Variants in BIRC6 observed in about 807,000 individuals in gnomAD.
BIRC6 encodes the protein dual E2 ubiquitin-conjugating enzyme/E3 ubiquitin-protein ligase BIRC6.
Under a neutral mutation model 503.3 loss-of-function variants are expected in BIRC6, and 98 were observed. That is an observed-to-expected ratio of 0.19 (90% CI 0.17 to 0.23). The LOEUF is 0.23. Among genes scored for constraint, BIRC6 ranks in the 10% least tolerant of loss-of-function variants. BIRC6 has a pLI of 1.00. For synonymous variants in BIRC6, 2,240 were observed against 2,078.7 expected, an observed-to-expected ratio of 1.08 and a Z score of -2.11; for missense variants, 5,360 against 5,806.0, an observed-to-expected ratio of 0.92 and a Z score of 2.50.
chr2:32,515,371 A>G lies in BIRC6; in HGVS notation c.10950A>G (p.Ser3650=), dbSNP rs2054915392. 6.2e-7 allele frequency: 1 copy of G among 1,613,614 alleles called. No homozygotes were observed. Among genetic ancestry groups the G allele is most frequent in the Non-Finnish European group, 8.5e-7 (1 of 1,179,890 alleles). Reference sequence around the variant, plus strand: ...TCTGCTTTAGCCACATTTCTAGCTCAGAAAGCATTGCCCAGTCAATAGATA... The same window carrying G: ...TCTGCTTTAGCCACATTTCTAGCTCGGAAAGCATTGCCCAGTCAATAGATA... ...ASFCFSHISS[S]ESIAQSIDIS... The change falls in exon 55 of 74, where the codon TCA becomes TCG. Residue 3650 remains serine (S), a synonymous_variant. Transcript: ENST00000421745.
At chr2:32,466,055 A>C (rs1191887089) in intron 26 of BIRC6, among the ~76,000 whole-genome samples, 1 of 152,188 alleles carries the variant, frequency 6.6e-6, no homozygotes, top group African/African-American at 2.4e-5. Flanking sequence ...ACTGTAGTAC[A>C]TAAGCCTCCT....
rs184593724 is a variant in BIRC6, at chr2:32,418,407, T to C, written c.2872+2244T>C. 1.6e-4 allele frequency among the ~76,000 whole-genome samples: 24 copies of C among 152,336 alleles called. No homozygotes were observed. The East Asian group carries it at 4.4e-3, about 28-fold the overall frequency. On this transcript the variant is annotated intron_variant, in intron 10 of 73. Transcript: ENST00000421745. The stretch of plus-strand genomic sequence containing the variant: ...AAGGAAAGAAAGGTTAAGTAACTTA[T>C]TAAGTAATAGAGCTAATAAATGTCA...
In BIRC6 at chr2:32,467,701, C is replaced by T; in HGVS notation, c.5533C>T (p.His1845Tyr). 6.2e-7 allele frequency: 1 copy of T among 1,613,802 alleles called. No homozygotes were observed. The highest frequency in any genetic ancestry group is 8.5e-7 in the Non-Finnish European group (1 of 1,179,812). Residue 1845 changes from histidine to tyrosine, a missense_variant, in exon 27 of 74, where the codon CAT (histidine) becomes TAT (tyrosine). Physicochemically the swap from His to Tyr is moderately conservative, Grantham distance 83 (BLOSUM62 2). Around this residue, in one of 16 missense-constraint regions of BIRC6, gnomAD observed 2,299 missense variants for 2,267.2 expected, o/e 1.01. Coordinates refer to ENST00000421745, the MANE Select transcript of BIRC6 (RefSeq NM_016252.4). ...TDISTHSLIL[H>Y]DLIPPPVCRF... ...TATAAGCACTCATTCACTAATTCTTCATGACTTAATACCACCTCCCGTGTG... is the reference window on the plus strand; with the variant it reads ...TATAAGCACTCATTCACTAATTCTTTATGACTTAATACCACCTCCCGTGTG...
At chr2:32,471,232 G>A (rs1204807704) in intron 32 of BIRC6, 108 bp downstream of exon 32, 18 of 1,377,814 alleles carry the variant, frequency 1.3e-5, no homozygotes, top group Non-Finnish European at 1.8e-5. Context: ...TTGGCCTGGA[G>A]CTACCAGCTG....
rs891218369 is a variant in BIRC6, at chr2:32,464,785, C to G, written c.5218C>G (p.Leu1740Val). Residue 1740 changes from leucine to valine, a missense_variant, in exon 25 of 74, where the codon CTT becomes GTT. Around this residue, in one of 16 missense-constraint regions of BIRC6, gnomAD observed 2,299 missense variants for 2,267.2 expected, o/e 1.01. Transcript: ENST00000421745. ...GSVIDPPAVN[L>V]AAHNKNSNKS... ...AGTCATTGATCCCCCAGCAGTCAATCTTGCTGCACATAACAAAAATTCCAA... is the reference window on the plus strand; with the variant it reads ...AGTCATTGATCCCCCAGCAGTCAATGTTGCTGCACATAACAAAAATTCCAA... 28 of 1,612,624 alleles carry G rather than the reference C, an allele frequency of 1.7e-5. No homozygotes were observed. The highest frequency in any genetic ancestry group is 2.3e-5 in the Non-Finnish European group (27 of 1,178,952).
At chr2:32,489,208 A>C (rs1035498076) in intron 42 of BIRC6, among the ~76,000 whole-genome samples, 1 of 152,032 alleles carries the variant, frequency 6.6e-6, no homozygotes, top group Non-Finnish European at 1.5e-5. Flanking sequence ...TAGCTACAGG[A>C]ATCTATTTTA....
In BIRC6 at chr2:32,469,401, C is replaced by G; in HGVS notation, c.6134C>G (p.Ser2045Cys). The G allele has an allele frequency of 1.2e-6, 2 of 1,612,242 alleles. No homozygotes were observed. Among genetic ancestry groups the G allele is most frequent in the Non-Finnish European group, 1.7e-6 (2 of 1,179,174 alleles). ...GTTTTCTTTCTTGTAATAGGACACT[C>G]TGTTCCTGCAGTTTTGCAGAGCACA... is the stretch of plus-strand genomic sequence containing the variant. ...LSLLHASNGHSVPAVLQSTFH... is the reference protein window; with the variant it reads ...LSLLHASNGHCVPAVLQSTFH... The change falls in exon 30 of 74, where the codon TCT becomes TGT. Residue 2045 changes from serine (S) to cysteine (C), a missense_variant. Coordinates refer to ENST00000421745, the MANE Select transcript of BIRC6 (RefSeq NM_016252.4).
At chr2:32,545,622 C>A in intron 62 of BIRC6, 21 bp from the exon 63 acceptor site, 1 of 1,580,664 alleles carries the variant, frequency 6.3e-7, no homozygotes, top group South Asian at 1.1e-5. Context: ...AATCTTGAGT[C>A]CTCTTCTTTC....
rs551895311 is a variant in BIRC6, at chr2:32,479,700, T to G, written c.7408+83T>G. Reference sequence around the variant, plus strand: ...TAAAGAATGTTAGAGAAAAATAAAGTTGATTTTTATATTTTTCTATTAGTT... The same window carrying G: ...TAAAGAATGTTAGAGAAAAATAAAGGTGATTTTTATATTTTTCTATTAGTT... On this transcript the variant is annotated intron_variant, in intron 37 of 73. Coordinates refer to ENST00000421745, the MANE Select transcript of BIRC6 (RefSeq NM_016252.4). The G allele has an allele frequency of 9.6e-6, 12 of 1,251,232 alleles. No homozygotes were observed. In the East Asian group the frequency reaches 2.3e-4, roughly 24 times the overall value. The allele number at this position is 1,251,232 out of a possible 1,614,324, so 77.5% of individuals were successfully genotyped here.
At chr2:32,520,092 G>A (rs902045018) in intron 57 of BIRC6, among the ~76,000 whole-genome samples, 3 of 152,144 alleles carry the variant, frequency 2.0e-5, no homozygotes, top group African/African-American at 7.2e-5. Flanking sequence ...AGTTTTTAAT[G>A]GAAGCTGTGA....
chr2:32,586,425 T>TG (rs1224617377), intron 66 of BIRC6, among the ~76,000 whole-genome samples: 3 of 56,878 alleles, frequency 5.3e-5, no homozygotes, highest in African/African-American at 1.6e-4. Flanking sequence ...AAGCAGTCCT[T>TG]TTTTTTTTTT....
intron 64 of BIRC6, among the ~76,000 whole-genome samples, chr2:32,548,219 C>A (rs1257156818): frequency 1.3e-5 from 2 of 151,654 alleles, no homozygotes; most frequent in Non-Finnish European, 2.9e-5. Flanking sequence ...CAACTAGCTT[C>A]TTCACTGAGA....
At chr2:32,436,312 T>G (rs1311914452) in intron 15 of BIRC6, 128 bp downstream of exon 15, 7 of 819,322 alleles carry the variant, frequency 8.5e-6, no homozygotes, top group Non-Finnish European at 1.2e-5. Context: ...TCATCAGTTT[T>G]CTGGTAGCTG....
At chr2:32,497,311 A>AT (rs1360360026) in intron 45 of BIRC6, among the ~76,000 whole-genome samples, 5 of 151,964 alleles carry the variant, frequency 3.3e-5, no homozygotes, top group East Asian at 1.9e-4. Context: ...ACCAAGTTTG[A>AT]TTTTTTTTGC....
Position 32,479,559 on chromosome 2 carries a change from A to C in BIRC6, c.7350A>C (p.Gln2450His). The C allele has an allele frequency of 2.5e-6, 4 of 1,609,330 alleles. No individual in the cohort carries two copies. Among genetic ancestry groups the C allele is most frequent in the Non-Finnish European group, 3.4e-6 (4 of 1,177,482 alleles). ...CTGGTGACTCTGATGACTCCCTTCA[A>C]CAGTCCTCAGTTCAGTTGCTGGAAA... is the stretch of plus-strand genomic sequence containing the variant. ...ATAGDSDDSL[Q>H]QSSVQLLETI... The change falls in exon 37 of 74, where the codon CAA becomes CAC. Residue 2450 changes from glutamine (Q) to histidine (H), a missense_variant. Transcript: ENST00000421745.
At chr2:32,600,793 T>C (rs2062004112) in intron 70 of BIRC6, among the ~76,000 whole-genome samples, 1 of 152,212 alleles carries the variant, frequency 6.6e-6, no homozygotes, top group Admixed American at 6.5e-5. Flanking sequence ...GGACTTATTT[T>C]TAAAGTTTAC....
At chr2:32,608,696 C>T (rs910067263) in intron 72 of BIRC6, among the ~76,000 whole-genome samples, 8 of 151,924 alleles carry the variant, frequency 5.3e-5, no homozygotes, top group African/African-American at 9.7e-5. Flanking sequence ...GGATTACAAG[C>T]GTGAGCCACC....
chr2:32,580,999 A>G (rs898859608), intron 66 of BIRC6, among the ~76,000 whole-genome samples: 8 of 152,340 alleles, frequency 5.3e-5, no homozygotes, highest in Middle Eastern at 6.8e-3. Context: ...CTTTGTTCTC[A>G]TATACGAATC....
chr2:32,503,839 G>A (rs1411463032), intron 49 of BIRC6, among the ~76,000 whole-genome samples: 3 of 152,120 alleles, frequency 2.0e-5, no homozygotes, highest in Non-Finnish European at 4.4e-5. Flanking sequence ...CTCTTTAAAT[G>A]TTAATCAATT....
Sources: gnomAD v4.1 joint callset for allele counts (sites outside exome capture counted in the v4.1 genomes callset) on GRCh38, gnomAD v4.1.1 for gene constraint, gnomAD v4.1.1 regional missense constraint, MANE v1.5 for transcripts, NCBI Gene and HGNC (gene_info 2026-07-23, HGNC 2026-07-21) for gene names.